WIPF3: variants seen among roughly 807,000 people sequenced by gnomAD.
WIPF3 encodes the protein WAS/WASL interacting protein family member 3, also known as WAS/WASL-interacting protein family member 3.
In WIPF3, 33 loss-of-function variants were observed where a neutral mutation model predicts 38.9. The observed-to-expected ratio is 0.85, with a 90% CI of 0.64 to 1.14. The LOEUF (loss-of-function observed/expected upper bound fraction) is 1.14, where lower values mean the gene tolerates loss of function less well. Ranked by LOEUF, WIPF3 falls within the 50% of genes most tolerant of loss-of-function variation. The pLI, the probability that WIPF3 is intolerant of heterozygous loss-of-function variation, is 0.00. For missense variants in WIPF3, 711 were observed against 652.5 expected, an observed-to-expected ratio of 1.09 and a Z score of -0.98; for synonymous variants, 324 against 269.3, an observed-to-expected ratio of 1.20 and a Z score of -1.99.
chr7:29,846,543 A>T (rs145456885), intron 2 of WIPF3, among the ~76,000 whole-genome samples: 1 of 152,364 alleles, frequency 6.6e-6, no homozygotes, highest in Non-Finnish European at 1.5e-5. Context: ...TCTACTAAAA[A>T]TACGAGAATT....
At chr7:29,814,902 T>C (rs1371773280) in intron 1 of WIPF3, among the ~76,000 whole-genome samples, 1 of 152,230 alleles carries the variant, frequency 6.6e-6, no homozygotes, top group Non-Finnish European at 1.5e-5. Flanking sequence ...CCCTTTCCTA[T>C]GTGGCTGATG....
intron 2 of WIPF3, among the ~76,000 whole-genome samples, chr7:29,835,612 G>A (rs945414703): frequency 3.3e-5 from 5 of 152,246 alleles, no homozygotes; most frequent in Admixed American, 6.5e-5. Context: ...CCGCACACAC[G>A]GTTTCAGAAA....
At chr7:29,851,872 G>A (rs533081965) in intron 2 of WIPF3, among the ~76,000 whole-genome samples, 8 of 152,310 alleles carry the variant, frequency 5.3e-5, no homozygotes, top group South Asian at 2.1e-4. Context: ...AGGTTTGAGC[G>A]TGCTATTGAT....
Position 29,833,888 on chromosome 7 carries a change from G to A in WIPF3, c.-57-780G>A, listed in dbSNP as rs182998786. Among the ~76,000 whole-genome samples the A allele has an allele frequency of 5.3e-5, 8 of 152,184 alleles. No individual in the cohort carries two copies. The East Asian group carries it at 1.2e-3, about 22-fold the overall frequency. On this transcript the variant is annotated intron_variant, in intron 1 of 8. Transcript: ENST00000242140. The stretch of plus-strand genomic sequence containing the variant: ...AGTCCTTGCAGTGTGCCTTGCTATG[G>A]GTTCTAAGACACATGCCCACATACA...
At chr7:29,898,106 A>G (rs78107226) in intron 7 of WIPF3, among the ~76,000 whole-genome samples, 2 of 152,156 alleles carry the variant, frequency 1.3e-5, no homozygotes, top group African/African-American at 2.4e-5. Context: ...CAAGGCCACC[A>G]GTGGAGCTCC....
chr7:29,827,536 C>T (rs761439515), intron 1 of WIPF3, among the ~76,000 whole-genome samples: 4 of 152,018 alleles, frequency 2.6e-5, no homozygotes, highest in Non-Finnish European at 5.9e-5. Context: ...CCGCAAGGTA[C>T]CTTTAATAGA....
intron 7 of WIPF3, among the ~76,000 whole-genome samples, chr7:29,890,891 G>A (rs1201276751): frequency 7.1e-6 from 1 of 140,464 alleles, no homozygotes; most frequent in Admixed American, 7.1e-5. Context: ...AGGGGTGAGG[G>A]CCTGCCCTGT....
intron 1 of WIPF3, among the ~76,000 whole-genome samples, chr7:29,812,465 T>C (rs1231160847): frequency 6.6e-6 from 1 of 152,212 alleles, no homozygotes; most frequent in Non-Finnish European, 1.5e-5. Context: ...ATGATGACGA[T>C]ATGGCTGCAG....
intron 7 of WIPF3, among the ~76,000 whole-genome samples, chr7:29,892,664 A>G (rs548394108): frequency 6.6e-6 from 1 of 152,206 alleles, no homozygotes; most frequent in Non-Finnish European, 1.5e-5. Flanking sequence ...TTTTGAACCC[A>G]CACCTGTCTG....
chr7:29,810,418 A>G (rs1784354063), intron 1 of WIPF3, among the ~76,000 whole-genome samples: 1 of 152,204 alleles, frequency 6.6e-6, no homozygotes, highest in South Asian at 2.1e-4. Context: ...GTACTCCCTA[A>G]AGGTTGTTGA....
intron 7 of WIPF3, among the ~76,000 whole-genome samples, chr7:29,904,039 AG>A (rs1483613457): frequency 6.6e-6 from 1 of 152,194 alleles, no homozygotes; most frequent in African/African-American, 2.4e-5. Context: ...ATTTGGGTAA[AG>A]AAGTTCTAAC....
At chr7:29,812,996 C>T (rs1784402891) in intron 1 of WIPF3, among the ~76,000 whole-genome samples, 1 of 152,200 alleles carries the variant, frequency 6.6e-6, no homozygotes, top group Non-Finnish European at 1.5e-5. Flanking sequence ...GCCAAAAGCA[C>T]CTCAAACTCA....
intron 4 of WIPF3, among the ~76,000 whole-genome samples, chr7:29,882,141 C>T (rs1785732423): frequency 6.6e-6 from 1 of 152,228 alleles, no homozygotes; most frequent in Non-Finnish European, 1.5e-5. Flanking sequence ...TTCATCAACA[C>T]AGGATCCCCT....
rs567787793 is a variant in WIPF3, at chr7:29,832,102, A to G, written c.-57-2566A>G. ...AGGGGAAGCATTTCTGTCTCCTGTC[A>G]TGTGTCTTAGTTAAAAGATGAGATC... On this transcript the variant is annotated intron_variant, in intron 1 of 8. Coordinates refer to ENST00000242140, the MANE Select transcript of WIPF3 (RefSeq NM_001080529.3). 9.2e-5 allele frequency among the ~76,000 whole-genome samples: 14 copies of G among 152,254 alleles called. No individual in the cohort carries two copies. The South Asian group carries it at 2.9e-3, about 32-fold the overall frequency.
chr7:29,902,290 T>TTA (rs1786302304), intron 7 of WIPF3, among the ~76,000 whole-genome samples: 2 of 143,394 alleles, frequency 1.4e-5, no homozygotes, highest in Admixed American at 6.9e-5. Context: ...TTTTTTTTTT[T>TTA]ACTTTTTGCT....
chr7:29,834,659 C>T lies in WIPF3; in HGVS notation c.-57-9C>T, dbSNP rs765846863. ...CCAAGTTTAAATCCATTCTTTTTCT[C>T]TTTTTCAGAGCAGAAGCCACTCTCT... On this transcript the variant is annotated splice_polypyrimidine_tract_variant and intron_variant, in intron 1 of 8. Transcript: ENST00000242140. 7.2e-7 allele frequency: 1 copy of T among 1,387,328 alleles called. No homozygotes were observed. The highest frequency in any genetic ancestry group is 9.4e-7 in the Non-Finnish European group (1 of 1,067,858). The allele number at this position is 1,387,328 out of a possible 1,614,324, so 85.9% of individuals were successfully genotyped here.
At chr7:29,900,085 G>A (rs951611815) in intron 7 of WIPF3, among the ~76,000 whole-genome samples, 6 of 151,988 alleles carry the variant, frequency 3.9e-5, no homozygotes, top group Non-Finnish European at 8.8e-5. Context: ...CTACAGGTGT[G>A]TGCCACCACG....
At chr7:29,807,803 T>A (rs895840202) in intron 1 of WIPF3, among the ~76,000 whole-genome samples, 1 of 152,168 alleles carries the variant, frequency 6.6e-6, no homozygotes, top group Non-Finnish European at 1.5e-5. Context: ...TGGCTGTAAA[T>A]GAGGGCCTTG....
At chr7:29,846,208 T>C (rs1784997707) in intron 2 of WIPF3, among the ~76,000 whole-genome samples, 1 of 152,236 alleles carries the variant, frequency 6.6e-6, no homozygotes, top group South Asian at 2.1e-4. Flanking sequence ...AACTCATTAT[T>C]TTCCAAGAGA....
Sources: gnomAD v4.1 joint callset for allele counts (sites outside exome capture counted in the v4.1 genomes callset) on GRCh38, gnomAD v4.1.1 for gene constraint, MANE v1.5 for transcripts, NCBI Gene and HGNC (gene_info 2026-07-23, HGNC 2026-07-21) for gene names.